Variants in DDAH1 observed in about 807,000 individuals in gnomAD.
The protein encoded by DDAH1 is N(G),N(G)-dimethylarginine dimethylaminohydrolase 1.
Under a neutral mutation model 28.8 loss-of-function variants are expected in DDAH1, and 19 were observed. The observed-to-expected ratio is 0.66, with a 90% CI of 0.46 to 0.97. DDAH1 has a LOEUF of 0.97. Ranked by LOEUF, DDAH1 falls within the 50% of genes least tolerant of loss-of-function variation. The pLI, the probability that DDAH1 is intolerant of heterozygous loss-of-function variation, is 0.00. For missense variants in DDAH1, 326 were observed against 375.9 expected (o/e 0.87, Z 1.10); for synonymous variants, 153 against 154.4 (o/e 0.99, Z 0.07).
chr1:85,412,575 C>T (rs1031913624), intron 1 of DDAH1, among the ~76,000 whole-genome samples: 3 of 152,196 alleles, frequency 2.0e-5, no homozygotes, highest in Non-Finnish European at 4.4e-5. Flanking sequence ...AATCCCACCT[C>T]TTTTTGGCTT....
chr1:85,398,468 T>G (rs1039309452), intron 1 of DDAH1: 2 of 152,298 alleles, frequency 1.3e-5, no homozygotes, highest in East Asian at 3.9e-4. Flanking sequence ...CTGGACTGGA[T>G]CCTGAATTCT....
chr1:85,560,357 G>A (rs984128119), intron 1 of DDAH1, among the ~76,000 whole-genome samples: 20 of 152,028 alleles, frequency 1.3e-4, no homozygotes, highest in African/African-American at 4.6e-4. Context: ...AATCATATGA[G>A]AGAAATTTGG....
chr1:85,423,330 A>G (rs1440645576), intron 1 of DDAH1, among the ~76,000 whole-genome samples: 1 of 152,188 alleles, frequency 6.6e-6, no homozygotes, highest in Non-Finnish European at 1.5e-5. Flanking sequence ...TTAATTGGGA[A>G]TAAATCAAAT....
chr1:85,464,958 G>T lies in DDAH1; in HGVS notation c.88C>A (p.Leu30Met). 1 of 1,492,386 alleles carries T rather than the reference G, an allele frequency of 6.7e-7. No homozygotes were observed. The highest frequency in any genetic ancestry group is 2.8e-5 in the East Asian group (1 of 35,148). The allele number at this position is 1,492,386 out of a possible 1,614,324, so 92.4% of individuals were successfully genotyped here. A position where few individuals can be genotyped will look rare whatever the true frequency, so the allele number is the denominator to read the frequency against. The change falls in exon 1 of 6, where the codon CTG becomes ATG. Residue 30 changes from leucine (L) to methionine (M), a missense_variant. Physicochemically the swap from Leu to Met is conservative, Grantham distance 15. Coordinates refer to ENST00000284031, the MANE Select transcript of DDAH1 (RefSeq NM_012137.4). This position sits in a 1 kb window ranked among gnomAD's most constrained non-coding sequence, Gnocchi z 4.4. ...ACCTCCTCGCCCTTGGCGCTTCTCA[G>T]CGCGTGCTGGCCGAGCGACTCGGGT... ...ALPESLGQHA[L>M]RSAKGEEVDV... is the part of the protein sequence containing the mutation.
intron 1 of DDAH1, among the ~76,000 whole-genome samples, chr1:85,550,795 A>G (rs573685470): frequency 6.6e-6 from 1 of 152,274 alleles, no homozygotes; most frequent in Admixed American, 6.5e-5. Flanking sequence ...CTGAGCACGT[A>G]TGTATTAACT....
At chr1:85,511,342 T>C (rs1173605915) in intron 1 of DDAH1, among the ~76,000 whole-genome samples, 1 of 152,196 alleles carries the variant, frequency 6.6e-6, no homozygotes, top group South Asian at 2.1e-4. Flanking sequence ...CTGGGACACA[T>C]TTAAAGCAGT....
intron 1 of DDAH1, among the ~76,000 whole-genome samples, chr1:85,421,716 C>T (rs911826192): frequency 6.6e-6 from 1 of 152,130 alleles, no homozygotes; most frequent in Non-Finnish European, 1.5e-5. Flanking sequence ...TTTGGATTGG[C>T]TGCTTTCATT....
intron 2 of DDAH1, among the ~76,000 whole-genome samples, chr1:85,485,741 A>G (rs1192566171): frequency 1.3e-5 from 2 of 152,218 alleles, no homozygotes; most frequent in Non-Finnish European, 2.9e-5. Context: ...CAGCATCCGT[A>G]GGACAATTAA....
chr1:85,511,699 C>T (rs531885226), intron 1 of DDAH1, among the ~76,000 whole-genome samples: 3 of 152,212 alleles, frequency 2.0e-5, no homozygotes, highest in Non-Finnish European at 4.4e-5. Context: ...TACAAACTAC[C>T]ATCAGAAAAT....
chr1:85,459,544 C>G (rs1317900337), intron 1 of DDAH1, among the ~76,000 whole-genome samples: 1 of 152,180 alleles, frequency 6.6e-6, no homozygotes, highest in Non-Finnish European at 1.5e-5. Context: ...GTTGTTCTAA[C>G]TAGTTGGCGG....
intron 4 of DDAH1, among the ~76,000 whole-genome samples, chr1:85,343,521 T>TACA (rs1385498508): frequency 2.0e-5 from 3 of 152,230 alleles, no homozygotes; most frequent in South Asian, 4.1e-4. Context: ...AGCTGGTGAA[T>TACA]ACAACAGCCA....
At chr1:85,560,581 G>A (rs1485099394) in intron 1 of DDAH1, among the ~76,000 whole-genome samples, 1 of 151,976 alleles carries the variant, frequency 6.6e-6, no homozygotes, top group Non-Finnish European at 1.5e-5. Context: ...ATATGAAGTA[G>A]TCTAATACTA....
At chr1:85,549,417 A>T (rs1284530867) in intron 1 of DDAH1, among the ~76,000 whole-genome samples, 1 of 152,200 alleles carries the variant, frequency 6.6e-6, no homozygotes, top group East Asian at 1.9e-4. Flanking sequence ...CTGGGATTTT[A>T]CATTATTCAC....
chr1:85,450,868 C>G (rs940258984), intron 1 of DDAH1, among the ~76,000 whole-genome samples: 3 of 152,142 alleles, frequency 2.0e-5, no homozygotes, highest in Admixed American at 6.5e-5. Context: ...ATGACTAGTT[C>G]AAGATCAGAT....
At chr1:85,425,510 C>T (rs1653355671) in intron 1 of DDAH1, among the ~76,000 whole-genome samples, 1 of 152,142 alleles carries the variant, frequency 6.6e-6, no homozygotes, top group Non-Finnish European at 1.5e-5. Context: ...TTAGAGAATG[C>T]ATTCTTAAGC....
chr1:85,470,402 C>T (rs576935200), intron 2 of DDAH1, among the ~76,000 whole-genome samples: 2 of 152,290 alleles, frequency 1.3e-5, no homozygotes, highest in African/African-American at 4.8e-5. Context: ...AACTACCCCA[C>T]ATGATTCAAT....
intron 1 of DDAH1, chr1:85,404,574 C>CA: frequency 2.2e-6 from 3 of 1,349,362 alleles, no homozygotes; most frequent in Non-Finnish European, 2.9e-6. Context: ...GTTCATTTTC[C>CA]AGACTCTTGT....
chr1:85,564,165 C>G (rs934817219), intron 1 of DDAH1, among the ~76,000 whole-genome samples: 2 of 139,452 alleles, frequency 1.4e-5, no homozygotes, highest in Admixed American at 1.4e-4. Context: ...AGCAAGACTC[C>G]ATCTCAAAAA....
At chr1:85,321,639 A>G in intron 5 of DDAH1, 71 bp from the exon 6 acceptor site, 1 of 1,217,764 alleles carries the variant, frequency 8.2e-7, no homozygotes, top group East Asian at 2.3e-5. Context: ...TGGAGAATCA[A>G]TTTGATTTGT....
Sources: allele counts gnomAD v4.1 joint callset (sites outside exome capture counted in the v4.1 genomes callset), GRCh38; gene constraint gnomAD v4.1.1; non-coding constraint Gnocchi (gnomAD v3.1); transcripts MANE v1.5; gene names NCBI Gene and HGNC (gene_info 2026-07-23, HGNC 2026-07-21).